Variants in PLOD1 observed in about 807,000 individuals in gnomAD.
PLOD1 encodes lysine hydroxylase.
In PLOD1, 70 loss-of-function variants were observed where a neutral mutation model predicts 94.7. That is an observed-to-expected ratio of 0.74 (90% CI 0.61 to 0.90). PLOD1 has a LOEUF of 0.90. Ranked by LOEUF, PLOD1 falls within the 40% of genes least tolerant of loss-of-function variation. The pLI is 0.00. For missense variants in PLOD1, 905 were observed against 972.7 expected (o/e 0.93, Z 0.93); for synonymous variants, 417 against 400.2 (o/e 1.04, Z -0.50).
chr1:11,965,730 G>C (rs370843662), intron 14 of PLOD1, 137 bp downstream of exon 14: 1 of 636,334 alleles, frequency 1.6e-6, no homozygotes, highest in East Asian at 2.7e-5. Context: ...CACCCCAGGA[G>C]GCTATAGGGC....
chr1:11,965,431 C>G, intron 13 of PLOD1, 49 bp from the exon 14 acceptor site: 1 of 1,066,978 alleles, frequency 9.4e-7, no homozygotes, highest in South Asian at 1.3e-5. Context: ...GGGGTGAGGG[C>G]AGGGGAGGGG....
intron 6 of PLOD1, 50 bp from the exon 7 acceptor site, chr1:11,956,867 C>A (rs369586348): frequency 4.7e-5 from 61 of 1,285,280 alleles, no homozygotes; most frequent in Middle Eastern, 1.9e-4. Flanking sequence ...GGACCCTGAG[C>A]CTGACCTCTG....
chr1:11,957,848 T>C lies in PLOD1; in HGVS notation c.748T>C (p.Leu250=). The C allele has an allele frequency of 6.2e-7, 1 of 1,613,444 alleles. No homozygotes were observed. Among genetic ancestry groups the C allele is most frequent in the Non-Finnish European group, 8.5e-7 (1 of 1,179,404 alleles). ...CCCCACGTCTCCCCGACAGCTGCAGTTGAACTACCTGGGCAACTACATCCC... is the reference window on the plus strand; with the variant it reads ...CCCCACGTCTCCCCGACAGCTGCAGCTGAACTACCTGGGCAACTACATCCC... ...IHGNGPTKLQ[L]NYLGNYIPRF... Residue 250 remains leucine, a synonymous_variant, in exon 8 of 19, where the codon TTG becomes CTG. Coordinates refer to ENST00000196061, the MANE Select transcript of PLOD1 (RefSeq NM_000302.4). This position sits in a 1 kb window ranked among gnomAD's most constrained non-coding sequence, Gnocchi z 4.1.
intron 3 of PLOD1, 22 bp downstream of exon 3, chr1:11,949,928 A>G (rs1332636063): frequency 6.2e-7 from 1 of 1,612,050 alleles, no homozygotes; most frequent in Non-Finnish European, 8.5e-7. Flanking sequence ...AGGGCTTCCT[A>G]GCCTGGGCCC....
chr1:11,947,890 T>C, intron 1 of PLOD1, 86 bp from the exon 2 acceptor site: 1 of 862,582 alleles, frequency 1.2e-6, no homozygotes, highest in Non-Finnish European at 2.0e-6. Context: ...CTGCCAGAAT[T>C]TGACAGGTCA....
intron 2 of PLOD1, among the ~76,000 whole-genome samples, chr1:11,948,747 T>G (rs933381958): frequency 1.8e-4 from 27 of 147,042 alleles, no homozygotes; most frequent in South Asian, 1.5e-3. Context: ...AAAAAGAAAA[T>G]AAAAGAAAAA....
intron 1 of PLOD1, among the ~76,000 whole-genome samples, chr1:11,940,786 C>T (rs762224583): frequency 1.3e-5 from 2 of 152,176 alleles, no homozygotes; most frequent in Non-Finnish European, 2.9e-5. Context: ...CCTTGGTACT[C>T]GAAAATGAAT....
intron 5 of PLOD1, among the ~76,000 whole-genome samples, chr1:11,954,013 C>T (rs530492698): frequency 2.0e-5 from 3 of 151,356 alleles, no homozygotes; most frequent in Non-Finnish European, 4.4e-5. Flanking sequence ...TATAGGCCTG[C>T]GTCACCATGT....
rs1645740853 is a variant in PLOD1 at position 11,956,794 on chromosome 1, G to A, written c.644-123G>A. 5 of 758,158 alleles carry A rather than the reference G, an allele frequency of 6.6e-6. 1 individual carries two copies. In the Admixed American group the frequency reaches 8.8e-5, roughly 13 times the overall value. The allele number at this position is 758,158 out of a possible 1,614,324, so 47.0% of individuals were successfully genotyped here. On this transcript the variant is annotated intron_variant, in intron 6 of 18. Transcript: ENST00000196061. The stretch of plus-strand genomic sequence containing the variant: ...AGATGAGGAAACTGAGGCTTAGAGA[G>A]AAGTGACTTGCCCGAGGACATAATC...
intron 1 of PLOD1, among the ~76,000 whole-genome samples, chr1:11,943,280 G>A (rs1222915330): frequency 6.7e-6 from 1 of 148,652 alleles, no homozygotes; most frequent in Non-Finnish European, 1.5e-5. Context: ...GAGCCACCGT[G>A]CCCGGCTTTT....
chr1:11,945,726 T>A (rs551536164), intron 1 of PLOD1, among the ~76,000 whole-genome samples: 1 of 152,304 alleles, frequency 6.6e-6, no homozygotes, highest in Non-Finnish European at 1.5e-5. Flanking sequence ...TTTTTATTTT[T>A]GAGGTGGAGT....
At chr1:11,956,848 C>G in intron 6 of PLOD1, 69 bp from the exon 7 acceptor site, 2 of 1,005,440 alleles carry the variant, frequency 2.0e-6, no homozygotes, top group Non-Finnish European at 3.2e-6. Flanking sequence ...GATTTGAGCC[C>G]AGCTGGTTGG....
intron 16 of PLOD1, among the ~76,000 whole-genome samples, chr1:11,970,278 A>G (rs977305779): frequency 2.0e-5 from 3 of 152,152 alleles, no homozygotes; most frequent in African/African-American, 7.2e-5. Flanking sequence ...AATAATAAAA[A>G]TAAAATTAGT....
chr1:11,948,923 C>T (rs1327001456), intron 2 of PLOD1, among the ~76,000 whole-genome samples: 1 of 152,208 alleles, frequency 6.6e-6, no homozygotes, highest in East Asian at 1.9e-4. Context: ...CAGAACATGT[C>T]ATTGCTTACA....
At chr1:11,944,761 C>T (rs1381194507) in intron 1 of PLOD1, 26 of 910,230 alleles carry the variant, frequency 2.9e-5, no homozygotes, top group Non-Finnish European at 3.5e-5. Flanking sequence ...GGCCGCCTGG[C>T]GCCAGCCCTC....
In PLOD1 at chr1:11,952,611, A is replaced by G. The variant is rs1379605348; in HGVS notation, c.467-12A>G. ...AGGGTCCGTCTTGGTGTCCCCACCC[A>G]CCAACCTTCAGGCTTCATCGGTTAT... is the stretch of plus-strand genomic sequence containing the variant. On this transcript the variant is annotated splice_polypyrimidine_tract_variant and intron_variant, in intron 4 of 18. Transcript: ENST00000196061. The G allele has an allele frequency of 4.4e-6, 7 of 1,607,812 alleles. No individual in the cohort carries two copies. The highest frequency in any genetic ancestry group is 6.0e-6 in the Non-Finnish European group (7 of 1,174,438).
chr1:11,945,425 C>CAAAA (rs58172342), intron 1 of PLOD1, among the ~76,000 whole-genome samples: 10 of 144,934 alleles, frequency 6.9e-5, no homozygotes, highest in Non-Finnish European at 1.1e-4. Context: ...GATTGGGTCT[C>CAAAA]AAAAAAAAAA....
At chr1:11,967,133 C>G (rs374254251) in intron 16 of PLOD1, 42 bp downstream of exon 16, 111 of 1,318,780 alleles carry the variant, frequency 8.4e-5, no homozygotes, top group Non-Finnish European at 9.9e-5. Context: ...GGGAGGCTGC[C>G]TCTCCATCAG....
intron 17 of PLOD1, 26 bp downstream of exon 17, chr1:11,970,842 G>C: frequency 2.1e-6 from 3 of 1,440,142 alleles, no homozygotes; most frequent in Non-Finnish European, 2.8e-6. Flanking sequence ...GCATAGCCAG[G>C]ATGCGGGGAC....
Sources: gnomAD v4.1 joint callset for allele counts (sites outside exome capture counted in the v4.1 genomes callset) on GRCh38, gnomAD v4.1.1 for gene constraint, Gnocchi (gnomAD v3.1) non-coding constraint, MANE v1.5 for transcripts, NCBI Gene and HGNC (gene_info 2026-07-23, HGNC 2026-07-21) for gene names.